Variants in PACRG observed in about 807,000 individuals in gnomAD.
PACRG encodes parkin coregulated.
In PACRG, 29 loss-of-function variants were observed where a neutral mutation model predicts 29.7. That is an observed-to-expected ratio of 0.98 (90% CI 0.73 to 1.33). PACRG has a LOEUF of 1.33. Ranked by LOEUF, PACRG falls within the 40% of genes most tolerant of loss-of-function variation. The pLI is 0.00. For synonymous variants in PACRG, 116 were observed against 118.7 expected (o/e 0.98, Z 0.15); for missense variants, 279 against 316.2 (o/e 0.88, Z 0.89).
chr6:163,160,275 T>C (rs1778502993), intron 4 of PACRG, among the ~76,000 whole-genome samples: 1 of 152,228 alleles, frequency 6.6e-6, no homozygotes, highest in South Asian at 2.1e-4. Context: ...AGTGGAAATA[T>C]ATCTCTGAGT....
intron 4 of PACRG, among the ~76,000 whole-genome samples, chr6:163,143,643 A>G (rs978845268): frequency 2.0e-4 from 30 of 152,208 alleles, no homozygotes; most frequent in Admixed American, 1.6e-3. Context: ...TTAAATCACA[A>G]TAATACTTTT....
chr6:162,803,959 A>T (rs1275070021), intron 1 of PACRG, among the ~76,000 whole-genome samples: 1 of 152,226 alleles, frequency 6.6e-6, no homozygotes, highest in Non-Finnish European at 1.5e-5. Context: ...AATTGAAATA[A>T]TATAAATTCC....
chr6:162,769,765 CAA>C (rs201767213), intron 1 of PACRG, among the ~76,000 whole-genome samples: 4 of 126,264 alleles, frequency 3.2e-5, no homozygotes, highest in Admixed American at 7.6e-5. Flanking sequence ...AGAAGGTTAG[CAA>C]AAAAAAAAAA....
chr6:162,864,768 T>C lies in PACRG; in HGVS notation c.291+50487T>C, dbSNP rs536551219. 4.6e-5 allele frequency among the ~76,000 whole-genome samples: 7 copies of C among 152,344 alleles called. No homozygotes were observed. The South Asian group carries it at 1.4e-3, about 32-fold the overall frequency. ...ATCATTTCTGGTAAAGACTTCATTG[T>C]AGAGAGGAGACTTCTCCACCTCTGA... On this transcript the variant is annotated intron_variant, in intron 2 of 4. Coordinates refer to ENST00000366888, the MANE Select transcript of PACRG (RefSeq NM_001080379.2).
intron 1 of PACRG, among the ~76,000 whole-genome samples, chr6:162,762,593 G>A (rs1050062371): frequency 1.2e-4 from 18 of 152,150 alleles, no homozygotes; most frequent in African/African-American, 2.4e-4. Context: ...TTTAGAAAAC[G>A]ATGTCTATTT....
intron 4 of PACRG, among the ~76,000 whole-genome samples, chr6:163,108,705 C>G (rs895187720): frequency 1.3e-5 from 2 of 152,098 alleles, no homozygotes; most frequent in Non-Finnish European, 2.9e-5. Flanking sequence ...CTTTTCCTTA[C>G]AAATTACGCA....
chr6:162,803,538 G>T (rs535451058), intron 1 of PACRG, among the ~76,000 whole-genome samples: 1 of 152,232 alleles, frequency 6.6e-6, no homozygotes, highest in African/African-American at 2.4e-5. Context: ...ATAAAGAAAA[G>T]ACAGAGACTT....
At chr6:162,801,124 T>A (rs2128340359) in intron 1 of PACRG, among the ~76,000 whole-genome samples, 1 of 152,078 alleles carries the variant, frequency 6.6e-6, no homozygotes, top group East Asian at 2.0e-4. Flanking sequence ...ATTTGTCAAT[T>A]TTCTTTTTTT....
chr6:162,902,845 T>A (rs1380986908), intron 2 of PACRG, among the ~76,000 whole-genome samples: 1 of 152,182 alleles, frequency 6.6e-6, no homozygotes, highest in Non-Finnish European at 1.5e-5. Flanking sequence ...TTTGACCCCA[T>A]AACAAATGCT....
chr6:162,958,799 TATATAGCA>T (rs1269805562), intron 2 of PACRG, among the ~76,000 whole-genome samples: 2 of 147,344 alleles, frequency 1.4e-5, no homozygotes, highest in Non-Finnish European at 3.0e-5. Context: ...CACACACATA[TATATAGCA>T]TATAGAGCAT....
chr6:162,740,737 C>A (rs1365962545), intron 1 of PACRG, among the ~76,000 whole-genome samples: 20 of 151,722 alleles, frequency 1.3e-4, no homozygotes, highest in Admixed American at 1.3e-3. Context: ...GTAGCTGGGA[C>A]TACAGGCCCG....
intron 1 of PACRG, among the ~76,000 whole-genome samples, chr6:162,745,089 C>T (rs550276678): frequency 1.3e-5 from 2 of 152,076 alleles, no homozygotes; most frequent in Admixed American, 1.3e-4. Context: ...TATTTAATGG[C>T]CTTAAAATGA....
Position 163,177,710 on chromosome 6 carries a change from A to ATTTTTTT in PACRG, c.613+88323_613+88329dup, listed in dbSNP as rs398003265. Among the ~76,000 whole-genome samples, 134 of 53,732 alleles carry ATTTTTTT rather than the reference A, an allele frequency of 2.5e-3. 24 individuals are homozygous for ATTTTTTT. The highest frequency in any genetic ancestry group is 6.9e-3 in the African/African-American group (94 of 13,706). The allele number at this position is 53,732 out of a possible 152,430, so 35.3% of individuals were successfully genotyped here. On this transcript the variant is annotated intron_variant, in intron 4 of 4. Coordinates refer to ENST00000366888, the MANE Select transcript of PACRG (RefSeq NM_001080379.2). ...TGTTAGCTAAGAAATTAGAAAAGGG[A>ATTTTTTT]TTTTTTTTTTTTTTTTTTTTTTTTT...
intron 4 of PACRG, among the ~76,000 whole-genome samples, chr6:163,239,516 A>G (rs905370860): frequency 6.6e-6 from 1 of 152,022 alleles, no homozygotes; most frequent in African/African-American, 2.4e-5. Flanking sequence ...AGGAGTCCCT[A>G]GGTGGACACC....
At chr6:163,191,020 T>C (rs773387191) in intron 4 of PACRG, 2 of 449,072 alleles carry the variant, frequency 4.5e-6, no homozygotes, top group South Asian at 3.2e-5. Context: ...TTTATTAGAA[T>C]ACTGAATTTA....
intron 2 of PACRG, among the ~76,000 whole-genome samples, chr6:162,855,404 G>A (rs1331367118): frequency 1.3e-5 from 2 of 152,032 alleles, no homozygotes; most frequent in Non-Finnish European, 2.9e-5. Context: ...TCTTTTTTGC[G>A]TATCAGAGAT....
chr6:163,214,541 C>T (rs553177763), intron 4 of PACRG, among the ~76,000 whole-genome samples: 62 of 151,976 alleles, frequency 4.1e-4, no homozygotes, highest in Non-Finnish European at 7.8e-4. Context: ...TATACATCAT[C>T]TTTTAAATCC....
chr6:162,959,672 T>C (rs1467505660), intron 2 of PACRG, among the ~76,000 whole-genome samples: 2 of 152,032 alleles, frequency 1.3e-5, no homozygotes, highest in South Asian at 2.1e-4. Context: ...GAGAAGAAAT[T>C]GGAGAGGAGC....
chr6:162,765,294 G>A (rs181895887), intron 1 of PACRG, among the ~76,000 whole-genome samples: 1 of 151,954 alleles, frequency 6.6e-6, no homozygotes, highest in African/African-American at 2.4e-5. Flanking sequence ...GCATGCTAAG[G>A]CCTCCTTATT....
Sources: allele counts gnomAD v4.1 joint callset (sites outside exome capture counted in the v4.1 genomes callset), GRCh38; gene constraint gnomAD v4.1.1; transcripts MANE v1.5; gene names NCBI Gene and HGNC (gene_info 2026-07-23, HGNC 2026-07-21).